The following DYRK4 variants were observed in gnomAD, a reference collection of about 807,000 sequenced individuals.
DYRK4 encodes the protein dual specificity tyrosine phosphorylation regulated kinase 4, also known as dual specificity tyrosine-phosphorylation-regulated kinase 4.
Under a neutral mutation model 68.3 loss-of-function variants are expected in DYRK4, and 64 were observed. That is an observed-to-expected ratio of 0.94 (90% CI 0.77 to 1.15). The LOEUF (loss-of-function observed/expected upper bound fraction) is 1.15. DYRK4 is among the 50% of genes most tolerant of loss of function. The probability of loss-of-function intolerance (pLI) is 0.00; values close to 1 mark genes in which losing one functional copy is unlikely to be tolerated. For missense variants in DYRK4, 740 were observed against 764.7 expected, an observed-to-expected ratio of 0.97 and a Z score of 0.38; for synonymous variants, 274 against 289.9, an observed-to-expected ratio of 0.95 and a Z score of 0.56.
Position 4,607,314 on chromosome 12 carries a change from T to A in DYRK4, c.1300-13T>A. 6.2e-7 allele frequency: 1 copy of A among 1,614,202 alleles called. No individual in the cohort carries two copies. The highest frequency in any genetic ancestry group is 1.1e-5 in the South Asian group (1 of 91,086). Reference sequence around the variant, plus strand: ...CCCACAAAGAATGAACCAATTGAATTATCCTTATTAAGGTGCTGGGTCTGC... The same window carrying A: ...CCCACAAAGAATGAACCAATTGAATAATCCTTATTAAGGTGCTGGGTCTGC... On this transcript the variant is annotated splice_polypyrimidine_tract_variant and intron_variant, in intron 11 of 14. Transcript: ENST00000543431.
intron 6 of DYRK4, among the ~76,000 whole-genome samples, chr12:4,594,261 T>C (rs1046624214): frequency 1.3e-5 from 2 of 152,122 alleles, no homozygotes; most frequent in Non-Finnish European, 2.9e-5. Context: ...TGAGATGGAG[T>C]TGCCCAGGCT....
At chr12:4,562,534 C>T (rs567477533) in intron 1 of DYRK4, among the ~76,000 whole-genome samples, 18 of 152,226 alleles carry the variant, frequency 1.2e-4, no homozygotes, top group Non-Finnish European at 2.2e-4. Flanking sequence ...GCTGTCGCAT[C>T]GGCGACTCCA....
chr12:4,612,176 GA>G (rs1945229178), intron 13 of DYRK4, among the ~76,000 whole-genome samples: 1 of 152,110 alleles, frequency 6.6e-6, no homozygotes, highest in South Asian at 2.1e-4. Flanking sequence ...CAATATTTTT[GA>G]AGCCCCAATT....
intron 9 of DYRK4, among the ~76,000 whole-genome samples, chr12:4,599,470 A>G (rs1316971850): frequency 2.6e-5 from 4 of 152,106 alleles, no homozygotes; most frequent in African/African-American, 9.7e-5. Flanking sequence ...AAAGTGACAA[A>G]TATATGCAAA....
In DYRK4 at chr12:4,593,151, G is replaced by T; in HGVS notation, c.613G>T (p.Gly205Cys). 6.2e-7 allele frequency: 1 copy of T among 1,613,914 alleles called. No individual in the cohort carries two copies. Among genetic ancestry groups the T allele is most frequent in the Admixed American group, 1.7e-5 (1 of 60,018 alleles). The stretch of plus-strand genomic sequence containing the variant: ...CAAGACGAGTTTTGATGATGAGCAT[G>T]GCTTCTATCTGAAGGTGATGGGGGT... Reference protein sequence around the residue: ...FSKTSFDDEHGFYLKVLHDHI... With the variant: ...FSKTSFDDEHCFYLKVLHDHI... The change falls in exon 6 of 15, where the codon GGC (glycine) becomes TGC (cysteine). Residue 205 changes from glycine (G) to cysteine (C), a missense_variant. By Grantham distance (159) the Gly-to-Cys change is radical. Coordinates refer to ENST00000543431, the MANE Select transcript of DYRK4 (RefSeq NM_001394779.1).
chr12:4,572,231 AC>A (rs1944737177), intron 2 of DYRK4, among the ~76,000 whole-genome samples: 1 of 152,160 alleles, frequency 6.6e-6, no homozygotes, highest in African/African-American at 2.4e-5. Flanking sequence ...TATTGGGAAC[AC>A]CCAGGGAAGT....
chr12:4,597,354 C>T (rs953202674), intron 8 of DYRK4, among the ~76,000 whole-genome samples: 3 of 152,214 alleles, frequency 2.0e-5, no homozygotes, highest in African/African-American at 7.2e-5. Context: ...CAGGGGTGAG[C>T]TCTCAGAGTG....
chr12:4,613,872 T>G lies in DYRK4; in HGVS notation c.*119T>G. 1 of 1,281,514 alleles carries G rather than the reference T, an allele frequency of 7.8e-7. No individual in the cohort carries two copies. Among genetic ancestry groups the G allele is most frequent in the Non-Finnish European group, 1.0e-6 (1 of 982,636 alleles). The allele number at this position is 1,281,514 out of a possible 1,614,324, so 79.4% of individuals were successfully genotyped here. On this transcript the variant is annotated 3_prime_UTR_variant, in exon 15 of 15. Transcript: ENST00000543431. The surrounding 1 kb of genome is among the most constrained non-coding windows in gnomAD (Gnocchi z 4.0). ...TACATAAAACTTTATGTTAAAAAAC[T>G]CTATTAACATGGCCAATTGGCATGA...
chr12:4,588,753 G>A (rs573030807), intron 2 of DYRK4, among the ~76,000 whole-genome samples, 184 bp from the exon 3 acceptor site: 210 of 152,294 alleles, frequency 1.4e-3, no homozygotes, highest in African/African-American at 4.5e-3. Context: ...AAGATCATTT[G>A]TTTGGATAAT....
chr12:4,570,380 G>C (rs2137322462), intron 2 of DYRK4, among the ~76,000 whole-genome samples: 1 of 152,296 alleles, frequency 6.6e-6, no homozygotes, highest in South Asian at 2.1e-4. Flanking sequence ...ATTGCTAGTT[G>C]TTCTGATGGG....
intron 6 of DYRK4, among the ~76,000 whole-genome samples, chr12:4,594,569 T>C (rs1486157652): frequency 6.6e-6 from 1 of 152,144 alleles, no homozygotes; most frequent in African/African-American, 2.4e-5. Flanking sequence ...CTAGACCTCC[T>C]CAACCCCTCC....
chr12:4,590,857 G>A, intron 4 of DYRK4: 1 of 439,608 alleles, frequency 2.3e-6, no homozygotes, highest in Non-Finnish European at 4.0e-6. Flanking sequence ...CTTGTTGGGA[G>A]CTCACCTTCT....
At position 4,591,500 on chromosome 12, in the gene DYRK4, C is replaced by A; in HGVS notation, c.463+202C>A. The A allele has an allele frequency of 1.5e-6, 1 of 687,924 alleles. No individual in the cohort carries two copies. Among genetic ancestry groups the A allele is most frequent in the Non-Finnish European group, 2.3e-6 (1 of 441,482 alleles). The allele number at this position is 687,924 out of a possible 1,614,324, so 42.6% of individuals were successfully genotyped here. A position where few individuals can be genotyped will look rare whatever the true frequency, so the allele number is the denominator to read the frequency against. The stretch of plus-strand genomic sequence containing the variant: ...AGAGGCTGAATAGGAGGCTGAATTT[C>A]CCCCAAGGAGTGGCTCTGGGCAAGG... On this transcript the variant is annotated intron_variant, in intron 5 of 14. Coordinates refer to ENST00000543431, the MANE Select transcript of DYRK4 (RefSeq NM_001394779.1). This position sits in a 1 kb window ranked among gnomAD's most constrained non-coding sequence, Gnocchi z 4.1.
intron 2 of DYRK4, among the ~76,000 whole-genome samples, chr12:4,575,298 A>ATT (rs562026104): frequency 4.2e-5 from 6 of 144,186 alleles, no homozygotes; most frequent in African/African-American, 8.0e-5. Flanking sequence ...ACAATAACTT[A>ATT]CTGTGTGTGT....
intron 3 of DYRK4, among the ~76,000 whole-genome samples, 151 bp downstream of exon 3, chr12:4,589,168 T>C (rs1387378544): frequency 6.6e-6 from 1 of 152,162 alleles, no homozygotes; most frequent in African/African-American, 2.4e-5. Context: ...ACACCCCATC[T>C]CCACATCACC....
chr12:4,563,691 G>C (rs7313515), intron 1 of DYRK4, among the ~76,000 whole-genome samples: 51,124 of 152,090 alleles, frequency 0.34, 9,752 homozygotes, highest in African/African-American at 0.53. Flanking sequence ...CACATGAAGA[G>C]AGGTTTGAAA....
chr12:4,610,003 A>AGT (rs3217058), intron 12 of DYRK4, 152 bp from the exon 13 acceptor site: 161,206 of 422,522 alleles, frequency 0.38, 24,540 homozygotes, highest in Admixed American at 0.43. Flanking sequence ...TTTCAAACTG[A>AGT]GTGTGTGTGT....
At chr12:4,579,455 T>G (rs996446306) in intron 2 of DYRK4, among the ~76,000 whole-genome samples, 1 of 152,200 alleles carries the variant, frequency 6.6e-6, no homozygotes, top group South Asian at 2.1e-4. Flanking sequence ...CATTTCATGC[T>G]TCACTGACAT....
intron 10 of DYRK4, chr12:4,602,588 C>T: frequency 7.6e-7 from 1 of 1,318,148 alleles, no homozygotes; most frequent in Non-Finnish European, 1.1e-6. Flanking sequence ...TGAGTGACAA[C>T]ATCAATCTTT....
Sources: allele counts gnomAD v4.1 joint callset (sites outside exome capture counted in the v4.1 genomes callset), GRCh38; gene constraint gnomAD v4.1.1; non-coding constraint Gnocchi (gnomAD v3.1); transcripts MANE v1.5; gene names NCBI Gene and HGNC (gene_info 2026-07-23, HGNC 2026-07-21).